The following STAU2 variants were observed in gnomAD, a reference collection of about 807,000 sequenced individuals.
STAU2 encodes double-stranded RNA-binding protein Staufen homolog 2.
In STAU2, 20 loss-of-function variants were observed where a neutral mutation model predicts 65.9. That is an observed-to-expected ratio of 0.30 (90% CI 0.21 to 0.44). The LOEUF (loss-of-function observed/expected upper bound fraction) is 0.44, where lower values mean the gene tolerates loss of function less well. STAU2 is among the 20% of genes least tolerant of loss of function. STAU2 has a pLI of 1.00. For missense variants in STAU2, 558 were observed against 683.9 expected (o/e 0.82, Z 2.05); for synonymous variants, 232 against 233.9 (o/e 0.99, Z 0.07).
intron 10 of STAU2, among the ~76,000 whole-genome samples, chr8:73,598,226 CTTTT>C (rs138249622): frequency 1.5e-5 from 2 of 129,336 alleles, no homozygotes; most frequent in Non-Finnish European, 1.6e-5. Context: ...AAGAAGAAAA[CTTTT>C]TTTTTTTTTT....
At chr8:73,524,734 T>G (rs1357792628) in intron 13 of STAU2, among the ~76,000 whole-genome samples, 2 of 152,194 alleles carry the variant, frequency 1.3e-5, no homozygotes, top group Non-Finnish European at 2.9e-5. Flanking sequence ...TTTGGTCAAC[T>G]GCATTGGGCC....
At chr8:73,534,375 T>C (rs1042279713) in intron 13 of STAU2, among the ~76,000 whole-genome samples, 2 of 152,232 alleles carry the variant, frequency 1.3e-5, no homozygotes, top group African/African-American at 4.8e-5. Flanking sequence ...AGCAGCTTTC[T>C]TTCATAAATA....
intron 5 of STAU2, among the ~76,000 whole-genome samples, chr8:73,684,293 G>C (rs1381944853): frequency 6.6e-6 from 1 of 152,064 alleles, no homozygotes; most frequent in East Asian, 1.9e-4. Flanking sequence ...AGAGAACCCA[G>C]AAATAAAGCC....
intron 6 of STAU2, among the ~76,000 whole-genome samples, chr8:73,621,980 G>T (rs116132616): frequency 0.036 from 5,110 of 142,358 alleles, 257 homozygotes; most frequent in African/African-American, 0.12. Context: ...TTCCTGAGAC[G>T]AAGTCTCGCT....
intron 12 of STAU2, among the ~76,000 whole-genome samples, chr8:73,562,437 A>C (rs1014340877): frequency 6.6e-6 from 1 of 152,194 alleles, no homozygotes; most frequent in Non-Finnish European, 1.5e-5. Flanking sequence ...AGTGAGCTAT[A>C]ATGGCAACTC....
intron 11 of STAU2, among the ~76,000 whole-genome samples, chr8:73,585,247 G>A (rs1227628876): frequency 1.3e-5 from 2 of 152,212 alleles, no homozygotes; most frequent in African/African-American, 2.4e-5. Context: ...TTGGGAGGCC[G>A]AGGCGAGCGG....
At chr8:73,561,566 GATTAT>G (rs1563423401) in intron 12 of STAU2, 11 of 454,546 alleles carry the variant, frequency 2.4e-5, no homozygotes, top group Non-Finnish European at 4.4e-5. Context: ...CCAAAAAATG[GATTAT>G]ATAAGTCTGA....
intron 13 of STAU2, among the ~76,000 whole-genome samples, chr8:73,543,205 A>T (rs151088829): frequency 1.3e-5 from 2 of 152,356 alleles, no homozygotes; most frequent in East Asian, 3.9e-4. Flanking sequence ...ATATGAAATC[A>T]GTGAAAAGAC....
intron 12 of STAU2, among the ~76,000 whole-genome samples, chr8:73,567,174 C>CA (rs1808671424): frequency 6.6e-6 from 1 of 151,922 alleles, no homozygotes; most frequent in Non-Finnish European, 1.5e-5. Flanking sequence ...TACTGAGCAC[C>CA]AACAATGCCA....
At chr8:73,502,049 C>T (rs191879087) in intron 13 of STAU2, among the ~76,000 whole-genome samples, 1 of 152,008 alleles carries the variant, frequency 6.6e-6, no homozygotes, top group East Asian at 1.9e-4. Context: ...TCCAAATTAC[C>T]TAATTTGTGG....
At chr8:73,570,835 A>G (rs537887650) in intron 12 of STAU2, among the ~76,000 whole-genome samples, 67 of 152,352 alleles carry the variant, frequency 4.4e-4, no homozygotes, top group Admixed American at 7.2e-4. Flanking sequence ...CCAGAATTTC[A>G]TATCTAGCCA....
rs1370798910 is a variant in STAU2, at chr8:73,560,012, T to C, written c.1223-7693A>G. ...ATTTGTTAGAGGTTTCTTCTTAAGA[T>C]CAGTTTCAGAATCACCTTGGAAACG... On this transcript the variant is annotated intron_variant, in intron 12 of 14. Coordinates refer to ENST00000524300, the MANE Select transcript of STAU2 (RefSeq NM_001164380.2). Among the ~76,000 whole-genome samples the C allele has an allele frequency of 2.0e-5, 3 of 151,100 alleles. No individual in the cohort carries two copies. The East Asian group carries it at 5.8e-4, about 29-fold the overall frequency.
At chr8:73,500,411 AT>A (rs1321311128) in intron 13 of STAU2, among the ~76,000 whole-genome samples, 1 of 151,584 alleles carries the variant, frequency 6.6e-6, no homozygotes, top group African/African-American at 2.4e-5. Context: ...TTTTCCAATT[AT>A]TTTTGATCAC....
intron 13 of STAU2, among the ~76,000 whole-genome samples, chr8:73,543,973 C>T (rs981181360): frequency 1.3e-5 from 2 of 152,204 alleles, no homozygotes; most frequent in Non-Finnish European, 2.9e-5. Context: ...ACAAGCAATT[C>T]GAATTCCACG....
At chr8:73,429,951 G>T (rs1023775387) in intron 13 of STAU2, among the ~76,000 whole-genome samples, 1 of 152,156 alleles carries the variant, frequency 6.6e-6, no homozygotes. Context: ...TCAGCAGTCC[G>T]CTTCCAGCCC....
At chr8:73,466,435 T>C (rs1232087792) in intron 13 of STAU2, among the ~76,000 whole-genome samples, 1 of 152,096 alleles carries the variant, frequency 6.6e-6, no homozygotes, top group Non-Finnish European at 1.5e-5. Context: ...TGAAGGTTTC[T>C]AGGCAGGATG....
At position 73,552,906 on chromosome 8, in the gene STAU2, A is replaced by G. The variant is rs1178481921; in HGVS notation, c.1223-587T>C. On this transcript the variant is annotated intron_variant, in intron 12 of 14. Coordinates refer to ENST00000524300, the MANE Select transcript of STAU2 (RefSeq NM_001164380.2). ...GCACTGTCTCTAACTTGCTTTGCTC[A>G]TACTACCATGTGGCTGCTCATGACC... Among the ~76,000 whole-genome samples the G allele has an allele frequency of 3.3e-5, 5 of 152,208 alleles. No homozygotes were observed. The East Asian group carries it at 7.7e-4, about 23-fold the overall frequency.
At chr8:73,691,096 T>C (rs1819296728) in intron 4 of STAU2, among the ~76,000 whole-genome samples, 2 of 152,158 alleles carry the variant, frequency 1.3e-5, no homozygotes, top group Non-Finnish European at 2.9e-5. Flanking sequence ...CAGGAAAGCA[T>C]ATTAAATTTA....
intron 13 of STAU2, among the ~76,000 whole-genome samples, chr8:73,528,368 G>T (rs1392693426): frequency 6.6e-6 from 1 of 152,088 alleles, no homozygotes; most frequent in Non-Finnish European, 1.5e-5. Context: ...AAAATAAAGT[G>T]GTCACAATAT....
Sources: allele counts gnomAD v4.1 joint callset (sites outside exome capture counted in the v4.1 genomes callset), GRCh38; gene constraint gnomAD v4.1.1; transcripts MANE v1.5; gene names NCBI Gene and HGNC (gene_info 2026-07-23, HGNC 2026-07-21).